Variants in ZNF789 observed in about 807,000 individuals in gnomAD.
ZNF789 encodes zinc finger protein 789.
A neutral mutation model predicts 15.6 loss-of-function variants in ZNF789; 11 were observed. That is an observed-to-expected ratio of 0.70 (90% CI 0.44 to 1.16). The LOEUF (loss-of-function observed/expected upper bound fraction) is 1.16, where lower values mean the gene tolerates loss of function less well. ZNF789 is among the 50% of genes most tolerant of loss of function. The probability of loss-of-function intolerance (pLI) is 0.00; values close to 1 mark genes in which losing one functional copy is unlikely to be tolerated. For missense variants in ZNF789, 461 were observed against 512.6 expected, an observed-to-expected ratio of 0.90 and a Z score of 0.97; for synonymous variants, 159 against 176.0, an observed-to-expected ratio of 0.90 and a Z score of 0.76.
Position 99,486,743 on chromosome 7 carries a change from A to T in ZNF789, c.533A>T (p.Asp178Val). The change falls in exon 5 of 5, where the codon GAT (aspartate) becomes GTT (valine). Residue 178 changes from aspartate (D) to valine (V), a missense_variant. Coordinates refer to ENST00000331410, the MANE Select transcript of ZNF789 (RefSeq NM_213603.3). ...TRWKQGRYDEDGKPFNQRSLL... is the reference protein window; with the variant it reads ...TRWKQGRYDEVGKPFNQRSLL... ...TGGAAGCAGGGCAGATATGATGAGGATGGCAAACCCTTCAATCAAAGATCT... is the reference window on the plus strand; with the variant it reads ...TGGAAGCAGGGCAGATATGATGAGGTTGGCAAACCCTTCAATCAAAGATCT... The T allele has an allele frequency of 2.5e-6, 4 of 1,614,248 alleles. No individual in the cohort carries two copies. Among genetic ancestry groups the T allele is most frequent in the Non-Finnish European group, 3.4e-6 (4 of 1,180,042 alleles).
chr7:99,475,532 A>T (rs1453118469), intron 1 of ZNF789, among the ~76,000 whole-genome samples: 1 of 152,178 alleles, frequency 6.6e-6, no homozygotes. Context: ...AGCTGGCTGT[A>T]GGAGCAGGGT....
intron 3 of ZNF789, chr7:99,482,192 C>T: frequency 1.3e-6 from 1 of 779,208 alleles, no homozygotes. Context: ...TGCAATACCA[C>T]TGTGCTGAAC....
rs1799762348 is a variant in ZNF789 at position 99,483,677 on chromosome 7, A to G, written c.152-353A>G. ...CAAGGATTTTTAATATCTGCCTAATACTTATGCCTTCATCGCATTAATGTG... is the reference window on the plus strand; with the variant it reads ...CAAGGATTTTTAATATCTGCCTAATGCTTATGCCTTCATCGCATTAATGTG... On this transcript the variant is annotated intron_variant, in intron 3 of 4. Coordinates refer to ENST00000331410, the MANE Select transcript of ZNF789 (RefSeq NM_213603.3). 5 of 780,550 alleles carry G rather than the reference A, an allele frequency of 6.4e-6. No homozygotes were observed. The Admixed American group carries it at 8.5e-5, about 13-fold the overall frequency. 48.4% of individuals were successfully genotyped at this position (780,550 alleles called of 1,614,324 possible).
Position 99,487,007 on chromosome 7 carries a change from T to C in ZNF789, c.797T>C (p.Phe266Ser). The C allele has an allele frequency of 1.2e-6, 2 of 1,614,126 alleles. No homozygotes were observed. The highest frequency in any genetic ancestry group is 1.7e-6 in the Non-Finnish European group (2 of 1,180,040). ...PYRCHDCGKC[F>S]RQLAYLVEHK... ...AGATGTCATGACTGTGGAAAGTGTT[T>C]TCGGCAGCTCGCGTATCTTGTTGAA... Residue 266 changes from phenylalanine (F) to serine (S), a missense_variant, in exon 5 of 5, where the codon TTT becomes TCT. Physicochemically the swap from Phe to Ser is radical, Grantham distance 155. Transcript: ENST00000331410.
chr7:99,485,118 C>A, intron 4 of ZNF789: 2 of 1,459,418 alleles, frequency 1.4e-6, no homozygotes, highest in East Asian at 4.9e-5. Context: ...CTCGGTGCTG[C>A]CTCTTGTTCC....
intron 3 of ZNF789, among the ~76,000 whole-genome samples, chr7:99,482,787 G>A (rs531570353): frequency 1.2e-4 from 18 of 152,096 alleles, no homozygotes; most frequent in African/African-American, 3.9e-4. Context: ...CCCGGGAGGC[G>A]GAGGTTGTGG....
chr7:99,479,090 C>G (rs755496912), intron 2 of ZNF789: 1 of 152,416 alleles, frequency 6.6e-6, no homozygotes, highest in African/African-American at 2.4e-5. Flanking sequence ...CCAGGACCTG[C>G]GAGCTTCCAC....
intron 1 of ZNF789, among the ~76,000 whole-genome samples, 151 bp downstream of exon 1, chr7:99,473,207 A>C (rs565351909): frequency 6.6e-6 from 1 of 152,272 alleles, no homozygotes; most frequent in East Asian, 1.9e-4. Context: ...GGCGGTGTCA[A>C]GTCTTCGGCA....
chr7:99,477,830 C>T (rs146938519), intron 2 of ZNF789, among the ~76,000 whole-genome samples: 1,953 of 152,304 alleles, frequency 0.013, 38 homozygotes, highest in African/African-American at 0.045. Context: ...TGCCTATAAT[C>T]CCATCTACTT....
intron 4 of ZNF789, chr7:99,485,381 GA>G (rs1799879730): frequency 1.4e-6 from 1 of 711,704 alleles, no homozygotes; most frequent in East Asian, 2.7e-5. Context: ...GTGACAACCA[GA>G]AATGTCTCCA....
chr7:99,473,782 G>A (rs751877601), intron 1 of ZNF789, among the ~76,000 whole-genome samples: 21 of 152,114 alleles, frequency 1.4e-4, no homozygotes, highest in Non-Finnish European at 2.6e-4. Context: ...CACCATGCCC[G>A]GCTAATTTTT....
intron 4 of ZNF789, chr7:99,485,096 T>C (rs1300327304): frequency 7.5e-7 from 1 of 1,328,480 alleles, no homozygotes; most frequent in Non-Finnish European, 1.0e-6. Context: ...CCACCCTCAT[T>C]ACTTGTCCTC....
At position 99,487,001 on chromosome 7, in the gene ZNF789, A is replaced by G. The variant is rs865940699; in HGVS notation, c.791A>G (p.Lys264Arg). 6.2e-7 allele frequency: 1 copy of G among 1,614,156 alleles called. No homozygotes were observed. The highest frequency in any genetic ancestry group is 8.5e-7 in the Non-Finnish European group (1 of 1,180,040). Residue 264 changes from lysine to arginine, a missense_variant, in exon 5 of 5, where the codon AAG becomes AGG. Physicochemically the swap from Lys to Arg is conservative, Grantham distance 26 (BLOSUM62 2). Coordinates refer to ENST00000331410, the MANE Select transcript of ZNF789 (RefSeq NM_213603.3). Reference sequence around the variant, plus strand: ...CCATACAGATGTCATGACTGTGGAAAGTGTTTTCGGCAGCTCGCGTATCTT... The same window carrying G: ...CCATACAGATGTCATGACTGTGGAAGGTGTTTTCGGCAGCTCGCGTATCTT... The part of the protein sequence containing the change: ...NKPYRCHDCG[K>R]CFRQLAYLVE...
chr7:99,474,751 G>C (rs1166504309), intron 1 of ZNF789, among the ~76,000 whole-genome samples: 2 of 152,164 alleles, frequency 1.3e-5, no homozygotes. Flanking sequence ...GATCAGGATA[G>C]TTTTTAGAGT....
intron 3 of ZNF789, chr7:99,482,014 TTTTTC>T: frequency 1.6e-6 from 1 of 632,956 alleles, no homozygotes; most frequent in East Asian, 2.8e-5. Context: ...GGATTTCGGA[TTTTTC>T]TTTTTTGGAT....
rs1040015676 is a variant in ZNF789 at position 99,483,573 on chromosome 7, G to A, written c.152-457G>A. Reference sequence around the variant, plus strand: ...TTGATCCTGGGAGGCAGAGGTTGCAGTGCGCCAAGACTGTCACTCCAGCCT... The same window carrying A: ...TTGATCCTGGGAGGCAGAGGTTGCAATGCGCCAAGACTGTCACTCCAGCCT... On this transcript the variant is annotated intron_variant, in intron 3 of 4. Coordinates refer to ENST00000331410, the MANE Select transcript of ZNF789 (RefSeq NM_213603.3). 1.8e-5 allele frequency: 11 copies of A among 626,056 alleles called. No homozygotes were observed. In the Admixed American group the frequency reaches 2.6e-4, roughly 15 times the overall value. 38.8% of individuals were successfully genotyped at this position (626,056 alleles called of 1,614,324 possible).
chr7:99,484,195 C>G (rs752886006), intron 4 of ZNF789, 52 bp downstream of exon 4: 1 of 1,449,366 alleles, frequency 6.9e-7, no homozygotes, highest in African/African-American at 1.4e-5. Flanking sequence ...GAAGGGAAGG[C>G]ATGTTAGTGA....
Position 99,484,194 on chromosome 7 carries a change from G to A in ZNF789, c.265+51G>A, listed in dbSNP as rs369259959. 3.2e-4 allele frequency: 465 copies of A among 1,450,266 alleles called. 2 individuals are homozygous for A. The highest frequency in any genetic ancestry group is 8.0e-4 in the Admixed American group (47 of 58,874). The allele number at this position is 1,450,266 out of a possible 1,614,324, so 89.8% of individuals were successfully genotyped here. A position where few individuals can be genotyped will look rare whatever the true frequency, so the allele number is the denominator to read the frequency against. On this transcript the variant is annotated intron_variant, in intron 4 of 4. Transcript: ENST00000331410. ...GTGGAATCAGGAAGAGGAAGGGAAG[G>A]CATGTTAGTGAAGCCCCTTCTGTGT...
At chr7:99,482,341 C>T (rs1799684326) in intron 3 of ZNF789, 1 of 708,462 alleles carries the variant, frequency 1.4e-6, no homozygotes, top group African/African-American at 1.7e-5. Flanking sequence ...GTGCCAATCT[C>T]TGTTTTTCCC....
Sources: allele counts gnomAD v4.1 joint callset (sites outside exome capture counted in the v4.1 genomes callset), GRCh38; gene constraint gnomAD v4.1.1; transcripts MANE v1.5; gene names NCBI Gene and HGNC (gene_info 2026-07-23, HGNC 2026-07-21).